The following OPCML variants were observed in gnomAD, a reference collection of about 807,000 sequenced individuals.
OPCML encodes the protein opioid binding protein/cell adhesion molecule like, also known as opioid-binding protein/cell adhesion molecule.
Under a neutral mutation model 37.8 loss-of-function variants are expected in OPCML, and 13 were observed. That is an observed-to-expected ratio of 0.34 (90% CI 0.22 to 0.55). The LOEUF is 0.55. Among genes scored for constraint, OPCML ranks in the 20% least tolerant of loss-of-function variants. The pLI is 0.91. For missense variants in OPCML, 341 were observed against 435.6 expected (o/e 0.78, Z 1.93); for synonymous variants, 176 against 168.8 (o/e 1.04, Z -0.33).
At chr11:133,469,375 A>G (rs930127429) in intron 1 of OPCML, among the ~76,000 whole-genome samples, 3 of 152,104 alleles carry the variant, frequency 2.0e-5, no homozygotes, top group African/African-American at 7.2e-5. Flanking sequence ...GTACCCTAGG[A>G]GCAGTAGGCT....
At chr11:132,446,482 T>C (rs1428732538) in intron 4 of OPCML, among the ~76,000 whole-genome samples, 1 of 152,100 alleles carries the variant, frequency 6.6e-6, no homozygotes, top group African/African-American at 2.4e-5. Context: ...CGCTAGCATT[T>C]TTATTCTAAA....
intron 1 of OPCML, among the ~76,000 whole-genome samples, chr11:133,059,495 T>C (rs986493892): frequency 6.6e-6 from 1 of 152,198 alleles, no homozygotes; most frequent in African/African-American, 2.4e-5. Flanking sequence ...CAAAGCCCAT[T>C]GCATGAGTAG....
At chr11:132,610,616 G>A (rs1183001133) in intron 3 of OPCML, among the ~76,000 whole-genome samples, 1 of 152,186 alleles carries the variant, frequency 6.6e-6, no homozygotes, top group Non-Finnish European at 1.5e-5. Context: ...AGGGGAGTGG[G>A]TGGGGGATGC....
chr11:132,757,570 CAT>C (rs1422714613), intron 2 of OPCML, among the ~76,000 whole-genome samples: 1 of 152,132 alleles, frequency 6.6e-6, no homozygotes, highest in African/African-American at 2.4e-5. Flanking sequence ...AGCTTTTTTT[CAT>C]ATGTTTTTTA....
chr11:133,034,786 C>A (rs1947747063), intron 1 of OPCML, among the ~76,000 whole-genome samples: 4 of 147,290 alleles, frequency 2.7e-5, no homozygotes, highest in Admixed American at 6.9e-5. Context: ...TACTAAGGAA[C>A]AAGTACTAAG....
Position 133,219,995 on chromosome 11 carries a change from C to A in OPCML, c.62-276985G>T, listed in dbSNP as rs188990596. ...AGAGATAGTTGCAGTAACATCTTTT[C>A]TATTTAATGTTAACCTGTGTCCTTG... On this transcript the variant is annotated intron_variant, in intron 1 of 7. Transcript: ENST00000524381. Among the ~76,000 whole-genome samples, 63 of 152,342 alleles carry A rather than the reference C, an allele frequency of 4.1e-4. No homozygotes were observed. In the Middle Eastern group the frequency reaches 0.01, roughly 25 times the overall value.
chr11:133,522,869 C>T (rs766966938), intron 1 of OPCML, among the ~76,000 whole-genome samples: 1 of 152,260 alleles, frequency 6.6e-6, no homozygotes, highest in East Asian at 1.9e-4. Context: ...AAATAAATTA[C>T]TGCAATTTAA....
intron 1 of OPCML, among the ~76,000 whole-genome samples, chr11:132,951,864 G>A (rs757014751): frequency 6.6e-6 from 1 of 152,194 alleles, no homozygotes; most frequent in Non-Finnish European, 1.5e-5. Flanking sequence ...AAAATGAAAA[G>A]GCTTCTGTGG....
intron 2 of OPCML, among the ~76,000 whole-genome samples, chr11:132,778,437 C>A (rs1946880988): frequency 6.6e-6 from 1 of 152,162 alleles, no homozygotes; most frequent in African/African-American, 2.4e-5. Flanking sequence ...GTAAAAAAAT[C>A]AAATGCAAAT....
At chr11:133,526,254 C>A (rs759721528) in intron 1 of OPCML, among the ~76,000 whole-genome samples, 11 of 152,280 alleles carry the variant, frequency 7.2e-5, no homozygotes, top group South Asian at 6.2e-4. Context: ...AGCCTGTGGG[C>A]CTCCTGCCAT....
chr11:132,481,780 C>A (rs2137020669), intron 4 of OPCML, among the ~76,000 whole-genome samples: 1 of 151,042 alleles, frequency 6.6e-6, no homozygotes, highest in East Asian at 1.9e-4. Context: ...CAAAACCACT[C>A]AACTACATGG....
chr11:133,359,828 T>C (rs1417201081), intron 1 of OPCML, among the ~76,000 whole-genome samples: 1 of 152,204 alleles, frequency 6.6e-6, no homozygotes, highest in East Asian at 1.9e-4. Context: ...TATTCGCCAA[T>C]ATAAATGAAA....
intron 1 of OPCML, among the ~76,000 whole-genome samples, chr11:133,403,160 T>C (rs1945445204): frequency 6.6e-6 from 1 of 152,238 alleles, no homozygotes; most frequent in South Asian, 2.1e-4. Flanking sequence ...TGTGTGACCT[T>C]AGGCAATGTG....
At chr11:132,569,092 G>A (rs1416980938) in intron 3 of OPCML, among the ~76,000 whole-genome samples, 1 of 152,158 alleles carries the variant, frequency 6.6e-6, no homozygotes, top group Non-Finnish European at 1.5e-5. Flanking sequence ...CCTGCGGTCG[G>A]GGCTGACTAT....
At chr11:132,832,082 G>C (rs1940721884) in intron 2 of OPCML, among the ~76,000 whole-genome samples, 1 of 151,928 alleles carries the variant, frequency 6.6e-6, no homozygotes, top group African/African-American at 2.4e-5. Context: ...TGTGTGTCTG[G>C]TGGTCCTGTT....
At position 133,338,057 on chromosome 11, in the gene OPCML, G is replaced by A. The variant is rs76840783; in HGVS notation, c.61+194207C>T. ...ACAAAGCCTCTGACTCATCCGTTAT[G>A]GGGGAAGGGGGCTTTGTTACATTCT... is the stretch of plus-strand genomic sequence containing the variant. On this transcript the variant is annotated intron_variant, in intron 1 of 7. Coordinates refer to ENST00000524381, the MANE Select transcript of OPCML (RefSeq NM_001012393.5). Among the ~76,000 whole-genome samples, 230 of 152,148 alleles carry A rather than the reference G, an allele frequency of 1.5e-3. 1 individual carries two copies. Among genetic ancestry groups the A allele is most frequent in the African/African-American group, 5.2e-3 (217 of 41,506 alleles).
At chr11:132,634,143 CT>C (rs1940335407) in intron 3 of OPCML, among the ~76,000 whole-genome samples, 1 of 152,178 alleles carries the variant, frequency 6.6e-6, no homozygotes, top group African/African-American at 2.4e-5. Context: ...GGACTTCCCC[CT>C]GGATCCTACT....
intron 1 of OPCML, among the ~76,000 whole-genome samples, chr11:132,985,902 C>T (rs1278613274): frequency 6.6e-6 from 1 of 152,156 alleles, no homozygotes; most frequent in Non-Finnish European, 1.5e-5. Flanking sequence ...GTCTCTCTGG[C>T]TTTTCATTTC....
chr11:132,480,421 T>C (rs1413385359), intron 4 of OPCML, among the ~76,000 whole-genome samples: 1 of 152,108 alleles, frequency 6.6e-6, no homozygotes, highest in Admixed American at 6.5e-5. Context: ...ATGGGGAGAA[T>C]GGAACCAAGT....
Sources: allele counts gnomAD v4.1 joint callset (sites outside exome capture counted in the v4.1 genomes callset), GRCh38; gene constraint gnomAD v4.1.1; transcripts MANE v1.5; gene names NCBI Gene and HGNC (gene_info 2026-07-23, HGNC 2026-07-21).